OCIAD2: variants seen among roughly 807,000 people sequenced by gnomAD.
The protein encoded by OCIAD2 is OCIA domain containing 2.
In OCIAD2, 29 loss-of-function variants were observed where a neutral mutation model predicts 22.9. The ratio of observed to expected loss-of-function variants is 1.27; its 90% CI spans 0.94 to 1.73. The LOEUF is 1.73. Ranked by LOEUF, OCIAD2 falls within the 40% of genes most tolerant of loss-of-function variation. The pLI is 0.00. For missense variants in OCIAD2, 189 were observed against 180.3 expected (o/e 1.05, Z -0.28); for synonymous variants, 67 against 60.2 (o/e 1.11, Z -0.52).
intron 2 of OCIAD2, among the ~76,000 whole-genome samples, chr4:48,901,635 T>C (rs1326392411): frequency 6.6e-6 from 1 of 152,262 alleles, no homozygotes; most frequent in East Asian, 1.9e-4. Context: ...TCTCCTCTAG[T>C]TGTCAGGCAA....
intron 6 of OCIAD2, among the ~76,000 whole-genome samples, chr4:48,889,944 A>C (rs1181633888): frequency 6.6e-6 from 1 of 152,208 alleles, no homozygotes; most frequent in African/African-American, 2.4e-5. Flanking sequence ...GGATGAGCTC[A>C]TGTCCTTTGC....
intron 6 of OCIAD2, among the ~76,000 whole-genome samples, chr4:48,892,186 A>G (rs1287548671): frequency 3.9e-5 from 6 of 152,228 alleles, no homozygotes; most frequent in Admixed American, 3.9e-4. Context: ...GCACTTACTG[A>G]GTGTCATGAA....
intron 2 of OCIAD2, 51 bp from the exon 3 acceptor site, chr4:48,899,976 C>T: frequency 7.3e-7 from 1 of 1,368,794 alleles, no homozygotes; most frequent in Non-Finnish European, 1.0e-6. Context: ...AAAAATCACC[C>T]ACTTTGTTTT....
rs1416343325 is a variant in OCIAD2 at position 48,904,643 on chromosome 4, T to C, written c.-62-32A>G. 1.7e-5 allele frequency: 19 copies of C among 1,109,748 alleles called. No individual in the cohort carries two copies. The Admixed American group carries it at 3.3e-4, about 19-fold the overall frequency. 68.7% of individuals were successfully genotyped at this position (1,109,748 alleles called of 1,614,324 possible). On this transcript the variant is annotated intron_variant, in intron 1 of 6. Transcript: ENST00000508632. ...AAGGTAGAAGAGAATCACTATGCCA[T>C]GACTAAATGTTTGCATCAAGCTTAA...
chr4:48,897,962 G>T, intron 3 of OCIAD2, 105 bp from the exon 4 acceptor site: 2 of 761,490 alleles, frequency 2.6e-6, no homozygotes, highest in Non-Finnish European at 4.5e-6. Flanking sequence ...TTCCTTGGCA[G>T]TGAATTTTTA....
Position 48,885,214 on chromosome 4 carries a change from C to T in OCIAD2, c.*270G>A. ...ATGTTGGCCAAGCTGGTCATGAACTCCTGACCTCAAATGATCTGCCTGCCT... is the reference window on the plus strand; with the variant it reads ...ATGTTGGCCAAGCTGGTCATGAACTTCTGACCTCAAATGATCTGCCTGCCT... On this transcript the variant is annotated 3_prime_UTR_variant, in exon 7 of 7. Coordinates refer to ENST00000508632, the MANE Select transcript of OCIAD2 (RefSeq NM_001014446.3). 3.1e-6 allele frequency: 1 copy of T among 322,448 alleles called. No individual in the cohort carries two copies. The highest frequency in any genetic ancestry group is 5.7e-6 in the Non-Finnish European group (1 of 175,892). 20.0% of individuals were successfully genotyped at this position (322,448 alleles called of 1,614,324 possible).
At chr4:48,905,783 A>T (rs953537129) in intron 1 of OCIAD2, among the ~76,000 whole-genome samples, 1 of 152,270 alleles carries the variant, frequency 6.6e-6, no homozygotes, top group Non-Finnish European at 1.5e-5. Context: ...TTACAGGGGC[A>T]GCACGGTGCC....
chr4:48,896,182 T>A (rs1164983807), intron 4 of OCIAD2, among the ~76,000 whole-genome samples: 2 of 152,148 alleles, frequency 1.3e-5, no homozygotes, highest in African/African-American at 4.8e-5. Flanking sequence ...TGGACAAGAA[T>A]GATATTGGTC....
intron 6 of OCIAD2, among the ~76,000 whole-genome samples, chr4:48,887,911 C>G (rs1455949727): frequency 1.3e-5 from 2 of 152,128 alleles, no homozygotes; most frequent in Non-Finnish European, 2.9e-5. Context: ...GGCATTGAAT[C>G]TATGAATTAC....
At chr4:48,892,694 A>C (rs1239205421) in intron 6 of OCIAD2, 78 bp downstream of exon 6, 3 of 695,354 alleles carry the variant, frequency 4.3e-6, no homozygotes, top group Non-Finnish European at 6.8e-6. Context: ...ATTGTGTTTA[A>C]TATTATAAAT....
chr4:48,887,403 G>A (rs1405215026), intron 6 of OCIAD2, among the ~76,000 whole-genome samples: 1 of 152,144 alleles, frequency 6.6e-6, no homozygotes, highest in African/African-American at 2.4e-5. Context: ...TAGACATGAA[G>A]TCCTTGCCCA....
At position 48,892,755 on chromosome 4, in the gene OCIAD2, C is replaced by A; in HGVS notation, c.383+17G>T. The stretch of plus-strand genomic sequence containing the variant: ...TTATAATTACATTACAATCCCTCAA[C>A]CAAACAGATTACAAACCTGTTATGC... On this transcript the variant is annotated intron_variant, in intron 6 of 6. Coordinates refer to ENST00000508632, the MANE Select transcript of OCIAD2 (RefSeq NM_001014446.3). The A allele has an allele frequency of 7.9e-7, 1 of 1,260,714 alleles. No individual in the cohort carries two copies. The highest frequency in any genetic ancestry group is 1.3e-5 in the South Asian group (1 of 74,474). 78.1% of individuals were successfully genotyped at this position (1,260,714 alleles called of 1,614,324 possible).
intron 5 of OCIAD2, 55 bp downstream of exon 5, chr4:48,893,951 G>A: frequency 8.6e-7 from 1 of 1,166,912 alleles, no homozygotes; most frequent in Non-Finnish European, 1.2e-6. Flanking sequence ...CAAAGTGCTG[G>A]GATTACAGAT....
At chr4:48,891,416 C>G (rs186035756) in intron 6 of OCIAD2, among the ~76,000 whole-genome samples, 2 of 152,286 alleles carry the variant, frequency 1.3e-5, no homozygotes, top group East Asian at 3.9e-4. Context: ...GCTATGAATG[C>G]AAGCCCAGAG....
intron 6 of OCIAD2, 27 bp from the exon 7 acceptor site, chr4:48,885,592 G>T (rs370195306): frequency 8.5e-6 from 11 of 1,290,870 alleles, no homozygotes; most frequent in Non-Finnish European, 1.0e-5. Context: ...AATAGACAGC[G>T]GTTTGTACTT....
intron 4 of OCIAD2, 24 bp from the exon 5 acceptor site, chr4:48,894,077 TTATTA>T (rs755749628): frequency 8.2e-7 from 1 of 1,214,804 alleles, no homozygotes; most frequent in South Asian, 1.9e-5. Flanking sequence ...AAGAAAAACA[TTATTA>T]TTTCATTTCA....
chr4:48,899,994 A>C, intron 2 of OCIAD2, 69 bp from the exon 3 acceptor site: 1 of 1,142,922 alleles, frequency 8.7e-7, no homozygotes, highest in Non-Finnish European at 1.3e-6. Flanking sequence ...TTTCTACAGA[A>C]GAGAACAGGG....
At position 48,890,445 on chromosome 4, in the gene OCIAD2, ACAGTG is replaced by A. The variant is rs1329421023; in HGVS notation, c.383+2322_383+2326del. On this transcript the variant is annotated intron_variant, in intron 6 of 6. Transcript: ENST00000508632. ...ACAATAGCATAAAAATTATAAACAC[ACAGTG>A]CATTGATCCAGGATTAAACTATATG... Among the ~76,000 whole-genome samples the A allele has an allele frequency of 3.0e-4, 45 of 152,236 alleles. 1 individual carries two copies. In the South Asian group the frequency reaches 9.1e-3, roughly 31 times the overall value.
chr4:48,897,136 G>C (rs1362037883), intron 4 of OCIAD2: 1 of 152,590 alleles, frequency 6.6e-6, no homozygotes, highest in East Asian at 1.9e-4. Flanking sequence ...TATTTGTACA[G>C]GGAACCATCT....
Sources: gnomAD v4.1 joint callset for allele counts (sites outside exome capture counted in the v4.1 genomes callset) on GRCh38, gnomAD v4.1.1 for gene constraint, MANE v1.5 for transcripts, NCBI Gene and HGNC (gene_info 2026-07-23, HGNC 2026-07-21) for gene names.